CSGALNACT1: variants seen among roughly 807,000 people sequenced by gnomAD.
CSGALNACT1 encodes chondroitin sulfate N-acetylgalactosaminyltransferase 1, also known as beta4GalNAcT-1.
A neutral mutation model predicts 51.0 loss-of-function variants in CSGALNACT1; 52 were observed. The ratio of observed to expected loss-of-function variants is 1.02; its 90% CI spans 0.82 to 1.29. CSGALNACT1 has a LOEUF of 1.29. Among genes scored for constraint, CSGALNACT1 ranks in the 50% most tolerant of loss-of-function variants. The pLI, the probability that CSGALNACT1 is intolerant of heterozygous loss-of-function variation, is 0.00. For synonymous variants in CSGALNACT1, 341 were observed against 254.4 expected (o/e 1.34, Z -3.24); for missense variants, 935 against 679.2 (o/e 1.38, Z -4.19).
intron 1 of CSGALNACT1, among the ~76,000 whole-genome samples, chr8:19,621,725 G>C (rs1308128546): frequency 1.3e-5 from 2 of 152,012 alleles, no homozygotes. Context: ...AGGCTGCAGT[G>C]AGCCATGATC....
At chr8:19,595,665 C>T (rs1295419998) in intron 2 of CSGALNACT1, among the ~76,000 whole-genome samples, 1 of 151,782 alleles carries the variant, frequency 6.6e-6, no homozygotes, top group Non-Finnish European at 1.5e-5. Flanking sequence ...CCTGTAATCC[C>T]AGCACTTTGG....
intron 4 of CSGALNACT1, among the ~76,000 whole-genome samples, chr8:19,467,937 G>A (rs12543997): frequency 0.15 from 22,528 of 152,204 alleles, 1,816 homozygotes; most frequent in Middle Eastern, 0.21. Context: ...AGTGAGCTGT[G>A]ATTGCGCTGC....
intron 1 of CSGALNACT1, among the ~76,000 whole-genome samples, chr8:19,674,935 C>T (rs1473985898): frequency 6.6e-6 from 1 of 152,126 alleles, no homozygotes; most frequent in Non-Finnish European, 1.5e-5. Flanking sequence ...GAAAGCAGGG[C>T]ATTGCCCATC....
intron 3 of CSGALNACT1, among the ~76,000 whole-genome samples, chr8:19,569,285 T>C (rs755576667): frequency 3.3e-5 from 5 of 152,184 alleles, no homozygotes; most frequent in Non-Finnish European, 7.3e-5. Flanking sequence ...GCTGTTAAGA[T>C]AGGTTTGAGA....
In CSGALNACT1 at chr8:19,538,655, G is replaced by A. The variant is rs538428074; in HGVS notation, c.-296-32525C>T. Among the ~76,000 whole-genome samples, 13 of 152,262 alleles carry A rather than the reference G, an allele frequency of 8.5e-5. No homozygotes were observed. In the East Asian group the frequency reaches 1.7e-3, roughly 20 times the overall value. ...GTTTCTTGAACTGAGGGAGACCGGGGGAGGTACAGGCTGGGAAGAAACAGC... is the reference window on the plus strand; with the variant it reads ...GTTTCTTGAACTGAGGGAGACCGGGAGAGGTACAGGCTGGGAAGAAACAGC... On this transcript the variant is annotated intron_variant, in intron 3 of 9. Transcript: ENST00000454498.
At chr8:19,608,223 G>A (rs1028561629) in intron 1 of CSGALNACT1, among the ~76,000 whole-genome samples, 3 of 152,200 alleles carry the variant, frequency 2.0e-5, no homozygotes, top group African/African-American at 7.2e-5. Flanking sequence ...CGTCTAGGAT[G>A]CATGATCCCA....
chr8:19,600,700 T>A (rs929516745), intron 2 of CSGALNACT1, among the ~76,000 whole-genome samples: 1 of 152,114 alleles, frequency 6.6e-6, no homozygotes, highest in African/African-American at 2.4e-5. Context: ...TGTTAGTAAC[T>A]GAAATACAGT....
At chr8:19,589,559 G>A (rs1456138789) in intron 3 of CSGALNACT1, among the ~76,000 whole-genome samples, 1 of 152,094 alleles carries the variant, frequency 6.6e-6, no homozygotes, top group South Asian at 2.1e-4. Flanking sequence ...TTGAACTCCC[G>A]ACCTCAAGTG....
chr8:19,738,555 C>T (rs1022111474), intron 1 of CSGALNACT1, among the ~76,000 whole-genome samples: 3 of 151,998 alleles, frequency 2.0e-5, no homozygotes, highest in Non-Finnish European at 2.9e-5. Context: ...GATGAACATT[C>T]GTGATGGTTA....
chr8:19,715,071 G>A lies in CSGALNACT1; in HGVS notation c.-297+42779C>T, dbSNP rs1030986116. 9.9e-5 allele frequency among the ~76,000 whole-genome samples: 15 copies of A among 152,274 alleles called. No individual in the cohort carries two copies. In the South Asian group the frequency reaches 1.7e-3, roughly 17 times the overall value. On this transcript the variant is annotated intron_variant, in intron 1 of 1. Coordinates refer to the CSGALNACT1 transcript ENST00000517494. ...ATTGGACTTATAGTTCCACATGGCC[G>A]GGGAAGCCTCAGAATCATGGTGGGA...
At chr8:19,458,712 G>T (rs1204391955) in intron 4 of CSGALNACT1, 70 bp from the exon 4 acceptor site, 2 of 1,394,256 alleles carry the variant, frequency 1.4e-6, no homozygotes, top group Admixed American at 1.7e-5. Flanking sequence ...TTTCAACCGA[G>T]ATCTAGCACA....
intron 4 of CSGALNACT1, among the ~76,000 whole-genome samples, chr8:19,492,510 T>G (rs1198749377): frequency 6.6e-6 from 1 of 152,250 alleles, no homozygotes; most frequent in Non-Finnish European, 1.5e-5. Context: ...TCACGTCCTC[T>G]TAAACTCTGT....
At chr8:19,612,946 G>GAAAA (rs1165754811) in intron 1 of CSGALNACT1, among the ~76,000 whole-genome samples, 282 of 15,428 alleles carry the variant, frequency 0.018, 84 homozygotes, top group East Asian at 0.035. Context: ...AAAGCAGCTG[G>GAAAA]AAAAAAAAAA....
At chr8:19,514,554 C>G (rs1019439447) in intron 3 of CSGALNACT1, among the ~76,000 whole-genome samples, 2 of 140,732 alleles carry the variant, frequency 1.4e-5, no homozygotes, top group Non-Finnish European at 3.0e-5. Flanking sequence ...GGCACAGTGG[C>G]TCTCGCCTGT....
intron 6 of CSGALNACT1, among the ~76,000 whole-genome samples, chr8:19,428,429 C>T (rs1359473074): frequency 6.6e-6 from 1 of 152,130 alleles, no homozygotes; most frequent in African/African-American, 2.4e-5. Flanking sequence ...CCTTGTAAAA[C>T]CATCAGATCT....
chr8:19,537,896 G>A (rs553312530), intron 3 of CSGALNACT1, among the ~76,000 whole-genome samples: 3 of 152,286 alleles, frequency 2.0e-5, no homozygotes, highest in Admixed American at 2.0e-4. Context: ...ACATACATTG[G>A]ACTTCATTAA....
chr8:19,514,499 A>G (rs939357272), intron 3 of CSGALNACT1, among the ~76,000 whole-genome samples: 7 of 112,718 alleles, frequency 6.2e-5, no homozygotes, highest in Admixed American at 1.8e-4. Flanking sequence ...ATATATATAT[A>G]TATATATATA....
At chr8:19,483,564 T>TTA (rs2072039496) in intron 4 of CSGALNACT1, among the ~76,000 whole-genome samples, 3 of 152,208 alleles carry the variant, frequency 2.0e-5, no homozygotes, top group Non-Finnish European at 1.5e-5. Flanking sequence ...CTCTCTAGAC[T>TTA]TAGCTCAGAA....
At chr8:19,696,021 A>ACTTTAAAG (rs1564439805) in intron 1 of CSGALNACT1, among the ~76,000 whole-genome samples, 1 of 152,086 alleles carries the variant, frequency 6.6e-6, no homozygotes, top group Admixed American at 6.5e-5. Context: ...AATTTTTAAA[A>ACTTTAAAG]ACTTTAAAGA....
Sources: allele counts gnomAD v4.1 joint callset (sites outside exome capture counted in the v4.1 genomes callset), GRCh38; gene constraint gnomAD v4.1.1; transcripts MANE v1.5; gene names NCBI Gene and HGNC (gene_info 2026-07-23, HGNC 2026-07-21).